PPFIA2: variants seen among roughly 807,000 people sequenced by gnomAD.
The protein encoded by PPFIA2 is PPFI scaffold protein A2.
Under a neutral mutation model 175.5 loss-of-function variants are expected in PPFIA2, and 46 were observed. The ratio of observed to expected loss-of-function variants is 0.26; its 90% confidence interval spans 0.21 to 0.34. The LOEUF (loss-of-function observed/expected upper bound fraction) is 0.34. Among genes scored for constraint, PPFIA2 ranks in the 10% least tolerant of loss-of-function variants. PPFIA2 has a pLI of 1.00. For synonymous variants in PPFIA2, 568 were observed against 511.4 expected (o/e 1.11, Z -1.49); for missense variants, 1,179 against 1,506.1 (o/e 0.78, Z 3.60).
At chr12:81,388,860 C>T (rs1314937600) in intron 8 of PPFIA2, among the ~76,000 whole-genome samples, 2 of 151,724 alleles carry the variant, frequency 1.3e-5, no homozygotes, top group Admixed American at 1.3e-4. Context: ...ACCACATTGC[C>T]TCTAATCAGA....
intron 4 of PPFIA2, among the ~76,000 whole-genome samples, chr12:81,541,639 T>C (rs935017186): frequency 6.6e-6 from 1 of 152,068 alleles, no homozygotes; most frequent in African/African-American, 2.4e-5. Context: ...TCTTTCATTA[T>C]ATTAATTAGA....
chr12:81,335,869 G>A (rs928718957), intron 21 of PPFIA2, among the ~76,000 whole-genome samples: 4 of 152,090 alleles, frequency 2.6e-5, no homozygotes, highest in Non-Finnish European at 5.9e-5. Context: ...TCTGTTAGGT[G>A]GGTTTCCCTA....
chr12:81,591,943 C>G (rs1408220104), intron 4 of PPFIA2, among the ~76,000 whole-genome samples: 1 of 152,100 alleles, frequency 6.6e-6, no homozygotes, highest in East Asian at 1.9e-4. Flanking sequence ...TTGCACTGTA[C>G]ACCTGGAAAA....
At chr12:81,433,786 A>G (rs1188617953) in intron 7 of PPFIA2, among the ~76,000 whole-genome samples, 1 of 152,204 alleles carries the variant, frequency 6.6e-6, no homozygotes, top group Non-Finnish European at 1.5e-5. Context: ...TGAAATAAAT[A>G]TAAAGGAGAG....
intron 24 of PPFIA2, among the ~76,000 whole-genome samples, chr12:81,288,937 TCAAA>T (rs549416348): frequency 5.4e-4 from 82 of 151,758 alleles, no homozygotes; most frequent in African/African-American, 1.9e-3. Flanking sequence ...AAAAGAGGAA[TCAAA>T]CAGACTAAAA....
chr12:81,440,830 AT>A (rs2050051980), intron 6 of PPFIA2, among the ~76,000 whole-genome samples: 3 of 149,914 alleles, frequency 2.0e-5, no homozygotes, highest in South Asian at 2.1e-4. Context: ...ATATATATAT[AT>A]ATAAAACAAT....
intron 22 of PPFIA2, among the ~76,000 whole-genome samples, chr12:81,314,061 T>C (rs950339660): frequency 6.6e-6 from 1 of 151,962 alleles, no homozygotes; most frequent in African/African-American, 2.4e-5. Flanking sequence ...TTATGAGCTT[T>C]CTTCTCTTCC....
At chr12:81,430,635 C>G (rs934857267) in intron 7 of PPFIA2, 1 of 151,720 alleles carries the variant, frequency 6.6e-6, no homozygotes. Context: ...TCATATCTCT[C>G]CTTCCTTCAT....
At chr12:81,342,129 A>C (rs1253254991) in intron 19 of PPFIA2, among the ~76,000 whole-genome samples, 1 of 152,132 alleles carries the variant, frequency 6.6e-6, no homozygotes, top group Non-Finnish European at 1.5e-5. Flanking sequence ...CTTAAAGAAC[A>C]CTTTAGTACA....
chr12:81,538,927 C>A (rs1295895249), intron 4 of PPFIA2, among the ~76,000 whole-genome samples: 1 of 151,770 alleles, frequency 6.6e-6, no homozygotes, highest in Non-Finnish European at 1.5e-5. Context: ...CATAGAGCGA[C>A]CAGGGTAGAA....
At chr12:81,380,695 T>C (rs1468594362) in intron 9 of PPFIA2, among the ~76,000 whole-genome samples, 1 of 152,130 alleles carries the variant, frequency 6.6e-6, no homozygotes, top group Non-Finnish European at 1.5e-5. Flanking sequence ...CTGATCTTAT[T>C]TCTCTTCCGT....
intron 5 of PPFIA2, among the ~76,000 whole-genome samples, chr12:81,446,877 T>C (rs2051375469): frequency 6.6e-6 from 1 of 152,198 alleles, no homozygotes; most frequent in African/African-American, 2.4e-5. Flanking sequence ...TTTGGTTGAT[T>C]TCTCTACATT....
At chr12:81,286,344 T>C (rs577054573) in intron 24 of PPFIA2, among the ~76,000 whole-genome samples, 23 of 152,204 alleles carry the variant, frequency 1.5e-4, no homozygotes, top group African/African-American at 5.3e-4. Flanking sequence ...TCTACAGTAG[T>C]ATATAGTAAT....
intron 4 of PPFIA2, among the ~76,000 whole-genome samples, chr12:81,530,713 C>T (rs1011444680): frequency 6.7e-6 from 1 of 149,554 alleles, no homozygotes. Context: ...AATAGTAAGC[C>T]TGGATAAGCC....
At chr12:81,426,267 T>C (rs1456521320) in intron 7 of PPFIA2, among the ~76,000 whole-genome samples, 1 of 152,238 alleles carries the variant, frequency 6.6e-6, no homozygotes, top group Non-Finnish European at 1.5e-5. Flanking sequence ...GTCCTGAGGA[T>C]AACAGAAGCT....
intron 8 of PPFIA2, among the ~76,000 whole-genome samples, chr12:81,387,850 T>C (rs547829713): frequency 1.3e-5 from 2 of 152,152 alleles, no homozygotes; most frequent in Admixed American, 1.3e-4. Context: ...AGTGTACAGA[T>C]AGTTGTGTAC....
At chr12:81,327,618 A>T (rs1273632139) in intron 21 of PPFIA2, among the ~76,000 whole-genome samples, 1 of 152,162 alleles carries the variant, frequency 6.6e-6, no homozygotes, top group Admixed American at 6.5e-5. Flanking sequence ...AGGCAGACAT[A>T]TTCAATAAAC....
chr12:81,396,380 T>G (rs2041138381), intron 8 of PPFIA2, among the ~76,000 whole-genome samples: 1 of 151,984 alleles, frequency 6.6e-6, no homozygotes, highest in Admixed American at 6.6e-5. Flanking sequence ...CATTACTATG[T>G]TAGAATATGT....
At chr12:81,376,027 TA>T in intron 9 of PPFIA2, 85 bp from the exon 10 acceptor site, 2 of 1,243,216 alleles carry the variant, frequency 1.6e-6, no homozygotes, top group Non-Finnish European at 2.3e-6. Flanking sequence ...AAAAGAAACA[TA>T]AAAACTATTG....
Sources: gnomAD v4.1 joint callset for allele counts (sites outside exome capture counted in the v4.1 genomes callset) on GRCh38, gnomAD v4.1.1 for gene constraint, MANE v1.5 for transcripts, NCBI Gene and HGNC (gene_info 2026-07-23, HGNC 2026-07-21) for gene names.